Variants in CEP295 observed in about 807,000 individuals in gnomAD.
CEP295 encodes centrosomal protein of 295 kDa.
In CEP295, 190 loss-of-function variants were observed where a neutral mutation model predicts 291.6. That is an observed-to-expected ratio of 0.65 (90% CI 0.58 to 0.73). The LOEUF is 0.73. Ranked by LOEUF, CEP295 falls within the 30% of genes least tolerant of loss-of-function variation. The pLI is 0.00. For missense variants in CEP295, 2,863 were observed against 2,949.4 expected, an observed-to-expected ratio of 0.97 and a Z score of 0.68; for synonymous variants, 993 against 1,038.8, an observed-to-expected ratio of 0.96 and a Z score of 0.85.
intron 5 of CEP295, among the ~76,000 whole-genome samples, chr11:93,670,689 T>C (rs1209301692): frequency 6.6e-6 from 1 of 152,192 alleles, no homozygotes; most frequent in Non-Finnish European, 1.5e-5. Flanking sequence ...GACGGAAAAG[T>C]TGTATTTCAG....
chr11:93,689,098 C>T (rs1303563401), intron 10 of CEP295, among the ~76,000 whole-genome samples: 1 of 152,198 alleles, frequency 6.6e-6, no homozygotes, highest in Non-Finnish European at 1.5e-5. Context: ...TACATCCTAG[C>T]TTAAGCCATG....
chr11:93,697,906 G>A lies in CEP295; in HGVS notation c.2994G>A (p.Gln998=), dbSNP rs1279210592. 1.9e-6 allele frequency: 3 copies of A among 1,551,638 alleles called. No homozygotes were observed. The part of the protein sequence containing the change: ...SEQAEPSFPF[Q]VAQHTFTSLP... ...AGGCTGAGCCCTCTTTCCCATTTCA[G>A]GTAGCTCAGCATACATTTACTTCAC... Residue 998 remains glutamine, a synonymous_variant, in exon 15 of 30, where the codon CAG becomes CAA. Transcript: ENST00000325212.
intron 18 of CEP295, among the ~76,000 whole-genome samples, chr11:93,713,080 T>C (rs1372855263): frequency 6.6e-6 from 1 of 152,120 alleles, no homozygotes; most frequent in African/African-American, 2.4e-5. Context: ...AGAAAACTAA[T>C]AAAAGCCCTA....
chr11:93,678,625 C>G (rs1482733005), intron 6 of CEP295, among the ~76,000 whole-genome samples: 1 of 152,080 alleles, frequency 6.6e-6, no homozygotes, highest in African/African-American at 2.4e-5. Flanking sequence ...AGTGAATGTT[C>G]AGATAATAAA....
At chr11:93,669,538 C>G (rs753953174) in intron 4 of CEP295, 139 bp from the exon 5 acceptor site, 3 of 544,630 alleles carry the variant, frequency 5.5e-6, no homozygotes, top group East Asian at 3.0e-5. Flanking sequence ...TGTATAGACT[C>G]TTTACACATG....
intron 9 of CEP295, 32 bp from the exon 10 acceptor site, chr11:93,687,612 A>G: frequency 8.1e-7 from 1 of 1,228,798 alleles, no homozygotes; most frequent in Non-Finnish European, 1.1e-6. Flanking sequence ...AATAGATGCT[A>G]AATAAGTTTT....
rs1372607480 is a variant in CEP295 at position 93,687,628 on chromosome 11, T to G, written c.1115-16T>G. 6 of 1,403,410 alleles carry G rather than the reference T, an allele frequency of 4.3e-6. No individual in the cohort carries two copies. The allele number at this position is 1,403,410 out of a possible 1,614,324, so 86.9% of individuals were successfully genotyped here. On this transcript the variant is annotated splice_polypyrimidine_tract_variant and intron_variant, in intron 9 of 29. Transcript: ENST00000325212. ...ATAGATGCTAAATAAGTTTTTTCCC[T>G]TTTTCTTTCTTTTAGTTCCCTTGGT...
chr11:93,666,099 T>A (rs570646525), intron 1 of CEP295, among the ~76,000 whole-genome samples: 1 of 152,200 alleles, frequency 6.6e-6, no homozygotes. Flanking sequence ...ATACTCGAGG[T>A]AGACAATCTG....
rs1297248163 is a variant in CEP295 at position 93,666,751 on chromosome 11, C to G, written c.44C>G (p.Pro15Arg). 6.5e-7 allele frequency: 1 copy of G among 1,548,114 alleles called. No homozygotes were observed. Among genetic ancestry groups the G allele is most frequent in the South Asian group, 1.2e-5 (1 of 83,822 alleles). ...VVNTHKLRLS[P>R]NEEAFILKED... The stretch of plus-strand genomic sequence containing the variant: ...AATACTCACAAGCTGAGATTGAGTC[C>G]TAATGAGGAAGCCTTCATTTTGAAG... Residue 15 changes from proline (P) to arginine (R), a missense_variant, in exon 2 of 30, where the codon CCT (proline) becomes CGT (arginine). Around this residue, in one of 3 missense-constraint regions of CEP295, gnomAD observed 554 missense variants for 576.0 expected, o/e 0.96. Coordinates refer to ENST00000325212, the MANE Select transcript of CEP295 (RefSeq NM_033395.2).
chr11:93,724,155 TGAATA>T (rs1431776056), intron 21 of CEP295, 94 bp from the exon 22 acceptor site: 8 of 1,129,992 alleles, frequency 7.1e-6, no homozygotes, highest in Non-Finnish European at 9.9e-6. Context: ...TAAGCGTTTA[TGAATA>T]TGTTCTTAAT....
Position 93,727,225 on chromosome 11 carries a change from A to T in CEP295, c.6749A>T (p.Gln2250Leu), listed in dbSNP as rs1048444698. ...SSSDEANVFD[Q>L]LNVQHSTPCG... The stretch of plus-strand genomic sequence containing the variant: ...TCTGATGAAGCTAATGTATTTGATC[A>T]GTTAAATGTACAGCATAGCACTCCA... The change falls in exon 24 of 30, where the codon CAG (glutamine) becomes CTG (leucine). Residue 2250 changes from glutamine (Q) to leucine (L), a missense_variant. Physicochemically the swap from Gln to Leu is moderately radical, Grantham distance 113. This residue lies in a region of CEP295 where 2,295 missense variants were observed against 2,335.7 expected (regional missense o/e 0.98). Coordinates refer to ENST00000325212, the MANE Select transcript of CEP295 (RefSeq NM_033395.2). The T allele has an allele frequency of 1.0e-5, 16 of 1,551,566 alleles. No homozygotes were observed. The highest frequency in any genetic ancestry group is 1.3e-5 in the Non-Finnish European group (15 of 1,146,954).
chr11:93,668,718 A>G lies in CEP295; in HGVS notation c.310-90A>G, dbSNP rs1950298568. On this transcript the variant is annotated intron_variant, in intron 3 of 29. Coordinates refer to ENST00000325212, the MANE Select transcript of CEP295 (RefSeq NM_033395.2). ...TGCTATAGTATGTAGAAAGAAGATG[A>G]CAAAATTGATAAATCACTTCTGATA... 3.1e-6 allele frequency: 3 copies of G among 982,006 alleles called. No individual in the cohort carries two copies. In the African/African-American group the frequency reaches 5.0e-5, roughly 16 times the overall value. 60.8% of individuals were successfully genotyped at this position (982,006 alleles called of 1,614,324 possible). A position where few individuals can be genotyped will look rare whatever the true frequency, so the allele number is the denominator to read the frequency against.
chr11:93,713,477 G>A (rs1466909984), intron 18 of CEP295, among the ~76,000 whole-genome samples: 1 of 152,124 alleles, frequency 6.6e-6, no homozygotes, highest in East Asian at 1.9e-4. Flanking sequence ...CACTTTTAAT[G>A]TGTCATGCCA....
chr11:93,723,085 A>T lies in CEP295; in HGVS notation c.5992A>T (p.Thr1998Ser). ...GGATGATAGCAAGCAAGAATCTACC[A>T]CCAGTAAAGAAGAGGAAACAAATAT... is the stretch of plus-strand genomic sequence containing the variant. Reference protein sequence around the residue: ...HMDDSKQESTTSKEEETNIIS... With the variant: ...HMDDSKQESTSSKEEETNIIS... Residue 1998 changes from threonine (T) to serine (S), a missense_variant, in exon 21 of 30, where the codon ACC becomes TCC. This residue lies in a region of CEP295 where 2,295 missense variants were observed against 2,335.7 expected (regional missense o/e 0.98). Coordinates refer to ENST00000325212, the MANE Select transcript of CEP295 (RefSeq NM_033395.2). 2 of 1,551,242 alleles carry T rather than the reference A, an allele frequency of 1.3e-6. No homozygotes were observed.
chr11:93,664,094 A>C (rs1270455706), intron 1 of CEP295, among the ~76,000 whole-genome samples: 1 of 152,168 alleles, frequency 6.6e-6, no homozygotes, highest in African/African-American at 2.4e-5. Context: ...CTTTTTAAAA[A>C]TTCAGCAATA....
chr11:93,711,782 AT>A (rs1952920755), intron 18 of CEP295, among the ~76,000 whole-genome samples: 1 of 151,134 alleles, frequency 6.6e-6, no homozygotes, highest in Non-Finnish European at 1.5e-5. Context: ...AAGTGCTGGG[AT>A]TACAGGCTTG....
chr11:93,723,211 G>A lies in CEP295; in HGVS notation c.6118G>A (p.Gly2040Ser). 2 of 1,551,320 alleles carry A rather than the reference G, an allele frequency of 1.3e-6. No individual in the cohort carries two copies. The highest frequency in any genetic ancestry group is 1.7e-6 in the Non-Finnish European group (2 of 1,146,650). Residue 2040 changes from glycine to serine, a missense_variant, in exon 21 of 30, where the codon GGT becomes AGT. Around this residue, in one of 3 missense-constraint regions of CEP295, gnomAD observed 2,295 missense variants for 2,335.7 expected, o/e 0.98. Coordinates refer to ENST00000325212, the MANE Select transcript of CEP295 (RefSeq NM_033395.2). ...LLPAVDETTC[G>S]HTHFQQMIDK... ...GCCTGCAGTGGATGAAACTACATGT[G>A]GTCACACACACTTTCAGCAAATGAT...
rs764087909 is a variant in CEP295 at position 93,697,090 on chromosome 11, C to T, written c.2178C>T (p.Val726=). The T allele has an allele frequency of 1.3e-6, 2 of 1,551,594 alleles. No homozygotes were observed. Among genetic ancestry groups the T allele is most frequent in the South Asian group, 2.4e-5 (2 of 84,056 alleles). ...CACAACAGAGAGACTATAAATTGGT[C>T]CCCAAAGATTCTGAGACACTTTCAA... ...TETQQRDYKL[V]PKDSETLSRA... is the part of the protein sequence containing the mutation. The change falls in exon 15 of 30, where the codon GTC becomes GTT. Residue 726 remains valine, a synonymous_variant. Transcript: ENST00000325212.
At chr11:93,679,652 G>A in intron 7 of CEP295, 100 bp downstream of exon 7, 1 of 981,764 alleles carries the variant, frequency 1.0e-6, no homozygotes, top group Non-Finnish European at 1.4e-6. Context: ...GGAAGGGTGG[G>A]TGTTCAATAT....
Sources: allele counts gnomAD v4.1 joint callset (sites outside exome capture counted in the v4.1 genomes callset), GRCh38; gene constraint gnomAD v4.1.1; regional missense constraint gnomAD v4.1.1; transcripts MANE v1.5; gene names NCBI Gene and HGNC (gene_info 2026-07-23, HGNC 2026-07-21).